Variants in TMEM135 observed in about 807,000 individuals in gnomAD.
The protein encoded by TMEM135 is peroxisomal membrane protein 52.
In TMEM135, 30 loss-of-function variants were observed where a neutral mutation model predicts 60.3. The observed-to-expected ratio is 0.50, with a 90% CI of 0.37 to 0.68. The LOEUF is 0.68. Ranked by LOEUF, TMEM135 falls within the 30% of genes least tolerant of loss-of-function variation. The probability of loss-of-function intolerance (pLI) is 0.00; values close to 1 mark genes in which losing one functional copy is unlikely to be tolerated. For synonymous variants in TMEM135, 190 were observed against 186.7 expected, an observed-to-expected ratio of 1.02 and a Z score of -0.14; for missense variants, 468 against 548.8, an observed-to-expected ratio of 0.85 and a Z score of 1.47.
chr11:87,223,679 A>G (rs1382306261), intron 5 of TMEM135, among the ~76,000 whole-genome samples: 3 of 151,398 alleles, frequency 2.0e-5, no homozygotes, highest in Non-Finnish European at 4.4e-5. Flanking sequence ...ACACACACAC[A>G]CACACACACA....
chr11:87,095,550 C>T (rs943119693), intron 4 of TMEM135: 2 of 200,346 alleles, frequency 1.0e-5, no homozygotes, highest in African/African-American at 2.3e-5. Flanking sequence ...TTAAGCCTGT[C>T]CGGTTATCAA....
At chr11:87,045,932 GC>G (rs2135108737) in intron 1 of TMEM135, among the ~76,000 whole-genome samples, 1 of 152,284 alleles carries the variant, frequency 6.6e-6, no homozygotes, top group South Asian at 2.1e-4. Flanking sequence ...GTTTGTGGCA[GC>G]TGTGTGCTAT....
chr11:87,197,076 C>T (rs1255210129), intron 5 of TMEM135, among the ~76,000 whole-genome samples: 1 of 151,916 alleles, frequency 6.6e-6, no homozygotes, highest in Admixed American at 6.6e-5. Flanking sequence ...CTATTTTTGT[C>T]TTTAGACAAA....
At chr11:87,145,586 A>G (rs1938392027) in intron 4 of TMEM135, among the ~76,000 whole-genome samples, 1 of 151,948 alleles carries the variant, frequency 6.6e-6, no homozygotes, top group African/African-American at 2.4e-5. Flanking sequence ...TATCCTTGCC[A>G]ACACTTATCT....
intron 2 of TMEM135, among the ~76,000 whole-genome samples, chr11:87,069,284 CAAAA>C (rs778885228): frequency 2.7e-4 from 17 of 62,524 alleles, no homozygotes; most frequent in South Asian, 2.5e-3. Flanking sequence ...GACTCCGTCT[CAAAA>C]AAAAAAAAAA....
chr11:87,303,399 G>C (rs1942481121), intron 8 of TMEM135, among the ~76,000 whole-genome samples: 1 of 152,098 alleles, frequency 6.6e-6, no homozygotes, highest in Admixed American at 6.5e-5. Flanking sequence ...ACCGGTCCCT[G>C]GTGCCAAAAA....
chr11:87,134,617 G>A (rs1385818112), intron 4 of TMEM135, among the ~76,000 whole-genome samples: 5 of 152,278 alleles, frequency 3.3e-5, no homozygotes, highest in Admixed American at 2.0e-4. Flanking sequence ...GAGTAGCTGG[G>A]ACTGTAGGCA....
chr11:87,257,635 A>G lies in TMEM135; in HGVS notation c.509+20951A>G, dbSNP rs145745663. ...TATTTAAATCTAAGCTGTAAACGTC[A>G]TATTTATATGATTCTATTTATCAAA... On this transcript the variant is annotated intron_variant, in intron 6 of 14. Coordinates refer to ENST00000305494, the MANE Select transcript of TMEM135 (RefSeq NM_022918.4). Among the ~76,000 whole-genome samples, 620 of 152,328 alleles carry G rather than the reference A, an allele frequency of 4.1e-3. 4 individuals carry two copies. The highest frequency in any genetic ancestry group is 0.014 in the African/African-American group (578 of 41,580).
At chr11:87,086,049 A>T (rs548675536) in intron 3 of TMEM135, among the ~76,000 whole-genome samples, 1 of 152,268 alleles carries the variant, frequency 6.6e-6, no homozygotes, top group South Asian at 2.1e-4. Flanking sequence ...ATGCAACTTT[A>T]AGGAGGTCTG....
At chr11:87,192,148 ATT>A (rs761888889) in intron 5 of TMEM135, among the ~76,000 whole-genome samples, 9 of 136,608 alleles carry the variant, frequency 6.6e-5, no homozygotes, top group Admixed American at 7.3e-5. Context: ...TGCCCAGCTA[ATT>A]TTTTTTTTTT....
At chr11:87,098,977 C>T (rs556241706) in intron 4 of TMEM135, among the ~76,000 whole-genome samples, 7 of 152,226 alleles carry the variant, frequency 4.6e-5, no homozygotes, top group South Asian at 4.1e-4. Context: ...TGTGAGCCAC[C>T]GTGCCCAGCC....
rs1404121209 is a variant in TMEM135, at chr11:87,324,446, A to G, written c.*3113A>G. The G allele has an allele frequency of 2.2e-6, 1 of 453,896 alleles. No homozygotes were observed. The highest frequency in any genetic ancestry group is 4.4e-6 in the Non-Finnish European group (1 of 226,744). The allele number at this position is 453,896 out of a possible 1,614,324, so 28.1% of individuals were successfully genotyped here. ...ATTTATTTTTTTATTTTTTGAGTTG[A>G]GGTCTAGCTCTGTTGCCCGGGTTGG... On this transcript the variant is annotated 3_prime_UTR_variant, in exon 15 of 15. Transcript: ENST00000305494.
At chr11:87,119,655 C>A (rs749244001) in intron 4 of TMEM135, among the ~76,000 whole-genome samples, 1 of 152,298 alleles carries the variant, frequency 6.6e-6, no homozygotes, top group East Asian at 1.9e-4. Context: ...GAGCTGAGAT[C>A]GTGCCACTGC....
intron 1 of TMEM135, among the ~76,000 whole-genome samples, chr11:87,063,906 T>A (rs147705140): frequency 6.6e-6 from 1 of 152,342 alleles, no homozygotes; most frequent in Non-Finnish European, 1.5e-5. Context: ...CAGATAATGC[T>A]ATAAATATGT....
At chr11:87,080,539 A>G (rs929338079) in intron 3 of TMEM135, among the ~76,000 whole-genome samples, 2 of 151,810 alleles carry the variant, frequency 1.3e-5, no homozygotes, top group Non-Finnish European at 2.9e-5. Flanking sequence ...AATGCTATCA[A>G]TTTCTGTGAA....
chr11:87,323,376 A>G lies in TMEM135; in HGVS notation c.*2043A>G, dbSNP rs1281978912. On this transcript the variant is annotated 3_prime_UTR_variant, in exon 15 of 15. Coordinates refer to ENST00000305494, the MANE Select transcript of TMEM135 (RefSeq NM_022918.4). ...AAGTCCAGTTTGATTTCATTGGGAC[A>G]GACTGCAAAGTGTAGTTGTTTGAGC... is the stretch of plus-strand genomic sequence containing the variant. The G allele has an allele frequency of 6.6e-6, 3 of 453,952 alleles. No homozygotes were observed. Among genetic ancestry groups the G allele is most frequent in the Non-Finnish European group, 1.3e-5 (3 of 226,760 alleles). 28.1% of individuals were successfully genotyped at this position (453,952 alleles called of 1,614,324 possible).
At chr11:87,271,500 T>G (rs539655554) in intron 6 of TMEM135, among the ~76,000 whole-genome samples, 47 of 152,300 alleles carry the variant, frequency 3.1e-4, no homozygotes, top group African/African-American at 1.1e-3. Flanking sequence ...TAGTCAAATG[T>G]AGATTGCCGT....
rs1276208317 is a variant in TMEM135 at position 87,308,264 on chromosome 11, T to C, written c.769-1241T>C. Reference sequence around the variant, plus strand: ...AGTACATTAATGGGTGGATGAATAGTTCTCTTGAAAATAGCATGAAAAAGA... The same window carrying C: ...AGTACATTAATGGGTGGATGAATAGCTCTCTTGAAAATAGCATGAAAAAGA... On this transcript the variant is annotated intron_variant, in intron 9 of 14. Transcript: ENST00000305494. Among the ~76,000 whole-genome samples, 7 of 152,166 alleles carry C rather than the reference T, an allele frequency of 4.6e-5. No homozygotes were observed. In the East Asian group the frequency reaches 7.7e-4, roughly 17 times the overall value.
intron 5 of TMEM135, among the ~76,000 whole-genome samples, chr11:87,223,899 G>T (rs1940708970): frequency 6.6e-6 from 1 of 152,072 alleles, no homozygotes; most frequent in Admixed American, 6.5e-5. Context: ...ATTAGTTCAG[G>T]ACCTTTTCTG....
Sources: allele counts gnomAD v4.1 joint callset (sites outside exome capture counted in the v4.1 genomes callset), GRCh38; gene constraint gnomAD v4.1.1; transcripts MANE v1.5; gene names NCBI Gene and HGNC (gene_info 2026-07-23, HGNC 2026-07-21).